The following TLN2 variants were observed in gnomAD, a reference collection of about 807,000 sequenced individuals.
TLN2 encodes the protein talin 2, also known as talin-2.
In TLN2, 118 loss-of-function variants were observed where a neutral mutation model predicts 294.7. The ratio of observed to expected loss-of-function variants is 0.40; its 90% CI spans 0.34 to 0.47. The LOEUF (loss-of-function observed/expected upper bound fraction) is 0.47, where lower values mean the gene tolerates loss of function less well. Among genes scored for constraint, TLN2 ranks in the 20% least tolerant of loss-of-function variants. The probability of loss-of-function intolerance (pLI) is 0.84; values close to 1 mark genes in which losing one functional copy is unlikely to be tolerated. For synonymous variants in TLN2, 1,431 were observed against 1,304.5 expected (o/e 1.10, Z -2.09); for missense variants, 3,083 against 3,282.2 (o/e 0.94, Z 1.48).
intron 1 of TLN2, among the ~76,000 whole-genome samples, chr15:62,575,635 C>T (rs912147346): frequency 1.3e-5 from 2 of 152,114 alleles, no homozygotes; most frequent in African/African-American, 4.8e-5. Context: ...TACACACACA[C>T]AGAAAAATTA....
In TLN2 at chr15:62,485,414, G is replaced by C. The variant is rs546998267; in HGVS notation, c.-238+94729G>C. On this transcript the variant is annotated intron_variant, in intron 1 of 58. Transcript: ENST00000636159. ...TCTGCTGTTTGCTGTGCTGTTCGAT[G>C]CCTGGCGGTGTGGTCTCCGTCTCAG... is the stretch of plus-strand genomic sequence containing the variant. 5.9e-5 allele frequency among the ~76,000 whole-genome samples: 9 copies of C among 152,316 alleles called. No homozygotes were observed. The South Asian group carries it at 1.9e-3, about 32-fold the overall frequency.
chr15:62,741,911 A>G (rs1371951746), intron 32 of TLN2, among the ~76,000 whole-genome samples: 1 of 151,916 alleles, frequency 6.6e-6, no homozygotes, highest in Non-Finnish European at 1.5e-5. Flanking sequence ...TCCCATCTGC[A>G]AAGTGGGGGT....
At chr15:62,425,119 A>G (rs1415100049) in intron 1 of TLN2, among the ~76,000 whole-genome samples, 1 of 150,450 alleles carries the variant, frequency 6.6e-6, no homozygotes, top group African/African-American at 2.5e-5. Flanking sequence ...TGCCTGGCTA[A>G]TTTTTGTATT....
chr15:62,775,883 T>C (rs1197326296), intron 42 of TLN2, among the ~76,000 whole-genome samples: 1 of 152,250 alleles, frequency 6.6e-6, no homozygotes, highest in Non-Finnish European at 1.5e-5. Flanking sequence ...CCTCCTAGAC[T>C]GCCCTTATAA....
chr15:62,718,498 C>T (rs2059924404), intron 24 of TLN2, among the ~76,000 whole-genome samples: 1 of 152,206 alleles, frequency 6.6e-6, no homozygotes, highest in Non-Finnish European at 1.5e-5. Flanking sequence ...TGCCACTGCT[C>T]CCACTTCAGA....
At chr15:62,695,166 C>A (rs76368431) in intron 14 of TLN2, among the ~76,000 whole-genome samples, 1 of 152,026 alleles carries the variant, frequency 6.6e-6, no homozygotes, top group Non-Finnish European at 1.5e-5. Flanking sequence ...ATAAATGGCT[C>A]TTTTTGGGAA....
In TLN2 at chr15:62,708,687, G is replaced by A; in HGVS notation, c.2358G>A (p.Gln786=). 6.2e-7 allele frequency: 1 copy of A among 1,614,064 alleles called. No individual in the cohort carries two copies. Among genetic ancestry groups the A allele is most frequent in the Non-Finnish European group, 8.5e-7 (1 of 1,180,046 alleles). The change falls in exon 21 of 59, where the codon CAG becomes CAA. Residue 786 remains glutamine, a synonymous_variant. Coordinates refer to ENST00000636159, the MANE Select transcript of TLN2 (RefSeq NM_015059.3). ...VVSQALHDLL[Q]HVRQFASRGE... is the part of the protein sequence containing the mutation. ...GCCAGGCCCTCCATGATCTCCTGCAGCATGTGCGGCAGTTTGCCAGCCGAG... is the reference window on the plus strand; with the variant it reads ...GCCAGGCCCTCCATGATCTCCTGCAACATGTGCGGCAGTTTGCCAGCCGAG...
chr15:62,497,899 G>A (rs1035746561), intron 1 of TLN2, among the ~76,000 whole-genome samples: 1 of 151,846 alleles, frequency 6.6e-6, no homozygotes, highest in African/African-American at 2.4e-5. Flanking sequence ...ACAGTTTTTG[G>A]TTTGCTGTTT....
At chr15:62,838,615 AT>A (rs2070117932) in intron 57 of TLN2, among the ~76,000 whole-genome samples, 1 of 152,194 alleles carries the variant, frequency 6.6e-6, no homozygotes, top group Admixed American at 6.5e-5. Context: ...AAAAATGAGT[AT>A]TCCTTGGGGG....
intron 33 of TLN2, among the ~76,000 whole-genome samples, chr15:62,748,695 A>G (rs958533033): frequency 2.6e-5 from 4 of 152,182 alleles, no homozygotes; most frequent in African/African-American, 9.7e-5. Flanking sequence ...GTAGGATGAG[A>G]TGTATTTTGT....
intron 1 of TLN2, among the ~76,000 whole-genome samples, chr15:62,399,036 C>T (rs2032790897): frequency 6.6e-6 from 1 of 152,016 alleles, no homozygotes; most frequent in Non-Finnish European, 1.5e-5. Flanking sequence ...CCAGCCGCTC[C>T]AGCAGTGGCT....
intron 1 of TLN2, among the ~76,000 whole-genome samples, chr15:62,549,475 G>GCCATCCATCCATCCAT (rs774084813): frequency 8.0e-6 from 1 of 125,212 alleles, no homozygotes; most frequent in African/African-American, 3.0e-5. Context: ...TGCCATGCAT[G>GCCATCCATCCATCCAT]CCATGCATCC....
chr15:62,529,754 T>G (rs1264309939), intron 1 of TLN2, among the ~76,000 whole-genome samples: 1 of 152,220 alleles, frequency 6.6e-6, no homozygotes, highest in East Asian at 1.9e-4. Flanking sequence ...GCTTTATATT[T>G]TGGAAATCTT....
Position 62,800,632 on chromosome 15 carries a change from TC to T in TLN2, c.6361-20del, listed in dbSNP as rs749117306. On this transcript the variant is annotated intron_variant, in intron 49 of 58. Transcript: ENST00000636159. ...ACCTGAGTCACTGCACTATCTGTAT[TC>T]ATTCTCCCTTCCTATGCAGGTGATG... 3.1e-6 allele frequency: 5 copies of T among 1,613,590 alleles called. No homozygotes were observed. The highest frequency in any genetic ancestry group is 4.2e-6 in the Non-Finnish European group (5 of 1,179,646).
intron 1 of TLN2, among the ~76,000 whole-genome samples, chr15:62,430,105 AAG>A (rs1291288078): frequency 1.3e-5 from 2 of 152,230 alleles, no homozygotes; most frequent in Non-Finnish European, 2.9e-5. Flanking sequence ...AGATTTTAAA[AAG>A]GAAAAAATTA....
At position 62,673,882 on chromosome 15, in the gene TLN2, A is replaced by G; in HGVS notation, c.844A>G (p.Ile282Val). 1 of 1,612,836 alleles carries G rather than the reference A, an allele frequency of 6.2e-7. No individual in the cohort carries two copies. The highest frequency in any genetic ancestry group is 8.5e-7 in the Non-Finnish European group (1 of 1,179,090). Residue 282 changes from isoleucine (I) to valine (V), a missense_variant, in exon 10 of 59, where the codon ATC becomes GTC. Coordinates refer to ENST00000636159, the MANE Select transcript of TLN2 (RefSeq NM_015059.3). ...CAAGCAGAGAGGAGCTGAAAAGAGGATCTTTCAGGTATTGGAAATGTACAG... is the reference window on the plus strand; with the variant it reads ...CAAGCAGAGAGGAGCTGAAAAGAGGGTCTTTCAGGTATTGGAAATGTACAG... ...YIKQRGAEKRIFQEHKNCGEM... is the reference protein window; with the variant it reads ...YIKQRGAEKRVFQEHKNCGEM...
At chr15:62,541,529 T>G (rs2041684177) in intron 1 of TLN2, among the ~76,000 whole-genome samples, 1 of 152,128 alleles carries the variant, frequency 6.6e-6, no homozygotes, top group Admixed American at 6.6e-5. Flanking sequence ...AACCACCCCT[T>G]CCAGCTCCCC....
intron 7 of TLN2, among the ~76,000 whole-genome samples, chr15:62,655,424 C>T (rs534652441): frequency 1.3e-5 from 2 of 152,256 alleles, no homozygotes; most frequent in East Asian, 3.9e-4. Flanking sequence ...TTAGTGTTGT[C>T]TCCGCTACTC....
intron 48 of TLN2, 131 bp from the exon 49 acceptor site, chr15:62,800,237 C>A (rs1037342557): frequency 3.5e-6 from 5 of 1,424,044 alleles, no homozygotes; most frequent in Admixed American, 2.3e-5. Context: ...AGGAGGTCTG[C>A]CATGCTGCAG....
Sources: gnomAD v4.1 joint callset for allele counts (sites outside exome capture counted in the v4.1 genomes callset) on GRCh38, gnomAD v4.1.1 for gene constraint, MANE v1.5 for transcripts, NCBI Gene and HGNC (gene_info 2026-07-23, HGNC 2026-07-21) for gene names.